PPM1B: variants seen among roughly 807,000 people sequenced by gnomAD.
The protein encoded by PPM1B is protein phosphatase 1B.
A neutral mutation model predicts 43.0 loss-of-function variants in PPM1B; 22 were observed. The ratio of observed to expected loss-of-function variants is 0.51; its 90% CI spans 0.37 to 0.73. The LOEUF is 0.73. Ranked by LOEUF, PPM1B falls within the 30% of genes least tolerant of loss-of-function variation. The pLI, the probability that PPM1B is intolerant of heterozygous loss-of-function variation, is 0.00. For synonymous variants in PPM1B, 217 were observed against 197.9 expected (o/e 1.10, Z -0.81); for missense variants, 632 against 584.2 (o/e 1.08, Z -0.84).
At chr2:44,183,563 A>G (rs1037153638) in intron 1 of PPM1B, among the ~76,000 whole-genome samples, 1 of 152,166 alleles carries the variant, frequency 6.6e-6, no homozygotes, top group African/African-American at 2.4e-5. Context: ...CCTCCTCATC[A>G]CCACCCAGTA....
At chr2:44,226,384 C>CT (rs1670210344) in intron 5 of PPM1B, among the ~76,000 whole-genome samples, 1 of 152,152 alleles carries the variant, frequency 6.6e-6, no homozygotes, top group Non-Finnish European at 1.5e-5. Flanking sequence ...GCGAGAGGTA[C>CT]TTTATCTGTT....
At chr2:44,192,592 TATAAC>T (rs1355907833) in intron 1 of PPM1B, among the ~76,000 whole-genome samples, 3 of 152,230 alleles carry the variant, frequency 2.0e-5, no homozygotes, top group Non-Finnish European at 2.9e-5. Flanking sequence ...AAAATGATGT[TATAAC>T]ATATGTATGC....
chr2:44,187,332 T>G (rs1053627259), intron 1 of PPM1B, among the ~76,000 whole-genome samples: 1 of 152,214 alleles, frequency 6.6e-6, no homozygotes, highest in African/African-American at 2.4e-5. Context: ...TTGGGTTGCT[T>G]CTACCTCTTG....
chr2:44,222,897 C>A (rs1236112953), intron 5 of PPM1B, among the ~76,000 whole-genome samples: 1 of 152,184 alleles, frequency 6.6e-6, no homozygotes, highest in East Asian at 1.9e-4. Flanking sequence ...ATGGCACCAT[C>A]ATGGCTCTCT....
downstream of PPM1B, among the ~76,000 whole-genome samples, chr2:44,244,634 G>A (rs1221003762): frequency 6.6e-6 from 1 of 151,916 alleles, no homozygotes; most frequent in African/African-American, 2.4e-5. Flanking sequence ...GGTTAAGACC[G>A]TCTTCCGACT....
intron 1 of PPM1B, among the ~76,000 whole-genome samples, chr2:44,191,267 G>T (rs1668390662): frequency 6.6e-6 from 1 of 152,136 alleles, no homozygotes; most frequent in Non-Finnish European, 1.5e-5. Flanking sequence ...AGGCTGGAGT[G>T]CAGTGGAGTG....
Position 44,220,263 on chromosome 2 carries a change from C to CATATATATAT in PPM1B, c.1134+1736_1134+1745dup, listed in dbSNP as rs146623821. Among the ~76,000 whole-genome samples the CATATATATAT allele has an allele frequency of 5.3e-3, 784 of 146,950 alleles. 8 individuals are homozygous for CATATATATAT. The highest frequency in any genetic ancestry group is 0.018 in the African/African-American group (740 of 40,162). On this transcript the variant is annotated intron_variant, in intron 5 of 5. Coordinates refer to ENST00000282412, the MANE Select transcript of PPM1B (RefSeq NM_002706.6). ...CCCTCATGTGTAATCTTTAAAAATA[C>CATATATATAT]ATATATATATATATATATACCTTGC...
intron 1 of PPM1B, among the ~76,000 whole-genome samples, chr2:44,198,876 A>G (rs1325730414): frequency 6.6e-6 from 1 of 152,182 alleles, no homozygotes; most frequent in East Asian, 1.9e-4. Context: ...TAAAGGGAGA[A>G]TGAATTAGTT....
intron 5 of PPM1B, among the ~76,000 whole-genome samples, chr2:44,241,025 C>T (rs1670733645): frequency 1.5e-5 from 2 of 136,254 alleles, no homozygotes; most frequent in African/African-American, 2.6e-5. Flanking sequence ...TTTTTTGAGA[C>T]GGAGTTTCAC....
At chr2:44,228,791 C>A (rs1301962995) in intron 5 of PPM1B, among the ~76,000 whole-genome samples, 1 of 152,016 alleles carries the variant, frequency 6.6e-6, no homozygotes, top group Non-Finnish European at 1.5e-5. Flanking sequence ...CTTTTTATAT[C>A]TACTGTTTTT....
In PPM1B at chr2:44,209,254, T is replaced by G; in HGVS notation, c.891T>G (p.Asn297Lys). ...NMSIVLVCFS[N>K]APKVSDEAVK... is the part of the protein sequence containing the mutation. Reference sequence around the variant, plus strand: ...GTATTGTACTAGTTTGCTTTTCAAATGCTCCCAAGGTCTCAGATGAAGCGG... The same window carrying G: ...GTATTGTACTAGTTTGCTTTTCAAAGGCTCCCAAGGTCTCAGATGAAGCGG... Residue 297 changes from asparagine to lysine, a missense_variant, in exon 3 of 6, where the codon AAT becomes AAG. Asn to Lys is a moderately conservative substitution (Grantham distance 94). Coordinates refer to ENST00000282412, the MANE Select transcript of PPM1B (RefSeq NM_002706.6). 1 of 1,613,914 alleles carries G rather than the reference T, an allele frequency of 6.2e-7. No homozygotes were observed. The highest frequency in any genetic ancestry group is 8.5e-7 in the Non-Finnish European group (1 of 1,179,868).
At chr2:44,194,129 T>C (rs530178083) in intron 1 of PPM1B, among the ~76,000 whole-genome samples, 34 of 152,256 alleles carry the variant, frequency 2.2e-4, no homozygotes, top group African/African-American at 7.0e-4. Context: ...CCTTGCATGG[T>C]TTTTTCCTTC....
At chr2:44,232,211 G>C, downstream of PPM1B, 1 of 1,489,170 alleles carries the variant, frequency 6.7e-7, no homozygotes, top group East Asian at 2.3e-5. Flanking sequence ...TTCAGACAAA[G>C]AAAGGAAGGT....
At chr2:44,211,292 C>CT (rs1337940269) in intron 3 of PPM1B, among the ~76,000 whole-genome samples, 1 of 152,148 alleles carries the variant, frequency 6.6e-6, no homozygotes, top group Non-Finnish European at 1.5e-5. Context: ...CCTCTTTAGT[C>CT]TCCCTCAATG....
chr2:44,187,126 C>T (rs1668162655), intron 1 of PPM1B, among the ~76,000 whole-genome samples: 1 of 152,282 alleles, frequency 6.6e-6, no homozygotes, highest in East Asian at 1.9e-4. Flanking sequence ...TATCACTCTG[C>T]TTTCTTTTTC....
Position 44,201,996 on chromosome 2 carries a change from A to G in PPM1B, c.797A>G (p.Asp266Gly). 6.2e-7 allele frequency: 1 copy of G among 1,611,458 alleles called. No homozygotes were observed. The highest frequency in any genetic ancestry group is 1.1e-5 in the South Asian group (1 of 90,588). Residue 266 changes from aspartate (D) to glycine (G), a missense_variant, in exon 2 of 6, where the codon GAT becomes GGT. Around this residue, in one of 3 missense-constraint regions of PPM1B, gnomAD observed 392 missense variants for 302.7 expected, o/e 1.29. Coordinates refer to ENST00000282412, the MANE Select transcript of PPM1B (RefSeq NM_002706.6). The surrounding 1 kb of genome is among the most constrained non-coding windows in gnomAD (Gnocchi z 5.4). ...GTTAAATCTAGGCTTGAGGTATCTG[A>G]TGACCTGGAAAATGTGTGCAATTGG... Reference protein sequence around the residue: ...EYVKSRLEVSDDLENVCNWVV... With the variant: ...EYVKSRLEVSGDLENVCNWVV...
chr2:44,170,783 A>G (rs1021637482), intron 1 of PPM1B, among the ~76,000 whole-genome samples: 3 of 152,206 alleles, frequency 2.0e-5, no homozygotes, highest in South Asian at 2.1e-4. Flanking sequence ...ATATAGTTGA[A>G]GTAATGGTAA....
chr2:44,240,916 G>T (rs992478402), intron 5 of PPM1B, among the ~76,000 whole-genome samples: 1 of 145,910 alleles, frequency 6.9e-6, no homozygotes, highest in Admixed American at 6.8e-5. Context: ...AGTTATAAGG[G>T]GATGTCTTGT....
Position 44,241,857 on chromosome 2 carries a change from C to CTT in PPM1B, n.1547-2353_1547-2352dup, listed in dbSNP as rs397984437. On this transcript the variant is annotated intron_variant and non_coding_transcript_variant, in intron 5 of 5. Coordinates refer to the PPM1B transcript ENST00000378540. Reference sequence around the variant, plus strand: ...GTTATAATAAGTATTAGAAAATAATCTTTTTTTTTTTTTTTTTTTGAGACG... The same window carrying CTT: ...GTTATAATAAGTATTAGAAAATAATCTTTTTTTTTTTTTTTTTTTTTGAGACG... 1.2e-4 allele frequency among the ~76,000 whole-genome samples: 11 copies of CTT among 90,948 alleles called. 2 individuals carry two copies. Among genetic ancestry groups the CTT allele is most frequent in the South Asian group, 4.0e-4 (1 of 2,518 alleles). 59.7% of individuals were successfully genotyped at this position (90,948 alleles called of 152,430 possible).
Sources: allele counts gnomAD v4.1 joint callset (sites outside exome capture counted in the v4.1 genomes callset), GRCh38; gene constraint gnomAD v4.1.1; regional missense constraint gnomAD v4.1.1; non-coding constraint Gnocchi (gnomAD v3.1); transcripts MANE v1.5; gene names NCBI Gene and HGNC (gene_info 2026-07-23, HGNC 2026-07-21).